CSTF1: variants seen among roughly 807,000 people sequenced by gnomAD.
CSTF1 encodes the protein cleavage stimulation factor subunit 1.
CSTF1 carries 2 observed loss-of-function variants against 40.9 expected under a neutral mutation model. That is an observed-to-expected ratio of 0.05 (90% CI 0.02 to 0.15). The LOEUF (loss-of-function observed/expected upper bound fraction) is 0.15. CSTF1 is among the 10% of genes least tolerant of loss of function. The pLI, the probability that CSTF1 is intolerant of heterozygous loss-of-function variation, is 1.00. For synonymous variants in CSTF1, 218 were observed against 207.2 expected (o/e 1.05, Z -0.45); for missense variants, 279 against 558.9 (o/e 0.50, Z 5.05).
rs182315222 is a variant in CSTF1, at chr20:56,403,993, G to A, written c.*266G>A. The A allele has an allele frequency of 2.6e-4, 96 of 369,662 alleles. No homozygotes were observed. In the Admixed American group the frequency reaches 2.8e-3, roughly 11 times the overall value. The allele number at this position is 369,662 out of a possible 1,614,324, so 22.9% of individuals were successfully genotyped here. ...CGGTTTTGTAAGTACAGGACTTGCC[G>A]TTTCTTTTGATCTCTTGATTGAAGG... On this transcript the variant is annotated 3_prime_UTR_variant, in exon 6 of 6. Transcript: ENST00000217109.
At chr20:56,394,777 C>T (rs1347236061) in intron 1 of CSTF1, among the ~76,000 whole-genome samples, 2 of 152,150 alleles carry the variant, frequency 1.3e-5, no homozygotes, top group Non-Finnish European at 2.9e-5. Context: ...AGTTTTTTGT[C>T]TCTTAAGACT....
Position 56,399,526 on chromosome 20 carries a change from C to A in CSTF1, c.1036+169C>A, listed in dbSNP as rs796351316. ...AGACTTACAGGTTAAGTCATTTAGC[C>A]AAGGCTACACGACTTGGAAATAGAA... On this transcript the variant is annotated intron_variant, in intron 5 of 5. Transcript: ENST00000217109. The surrounding 1 kb of genome is among the most constrained non-coding windows in gnomAD (Gnocchi z 4.6). Among the ~76,000 whole-genome samples the A allele has an allele frequency of 1.4e-4, 21 of 152,256 alleles. No individual in the cohort carries two copies. Among genetic ancestry groups the A allele is most frequent in the African/African-American group, 5.1e-4 (21 of 41,550 alleles).
chr20:56,401,804 G>A (rs974379179), intron 5 of CSTF1, among the ~76,000 whole-genome samples: 1 of 152,088 alleles, frequency 6.6e-6, no homozygotes, highest in East Asian at 1.9e-4. Flanking sequence ...AGCCTTATGG[G>A]GTAGGTTCTG....
intron 5 of CSTF1, among the ~76,000 whole-genome samples, chr20:56,402,924 ACT>A (rs1404552397): frequency 2.0e-5 from 3 of 148,036 alleles, no homozygotes; most frequent in African/African-American, 7.6e-5. Context: ...ACAGAGTGAG[ACT>A]CTGTCTAAAA....
rs111908795 is a variant in CSTF1, at chr20:56,397,403, A to G, written c.366A>G (p.Leu122=). 7.6e-5 allele frequency: 122 copies of G among 1,614,216 alleles called. 2 individuals carry two copies. The African/African-American group carries it at 1.2e-3, about 16-fold the overall frequency. Residue 122 remains leucine, a synonymous_variant, in exon 3 of 6, where the codon TTA becomes TTG. Transcript: ENST00000217109. The surrounding 1 kb of genome is among the most constrained non-coding windows in gnomAD (Gnocchi z 4.4). ...RVATYSRDGQ[L]IATGSADASI... is the part of the protein sequence containing the mutation. Reference sequence around the variant, plus strand: ...CTACCTATAGTAGAGATGGACAGTTAATAGCTACTGGGTCTGCTGATGCTT... The same window carrying G: ...CTACCTATAGTAGAGATGGACAGTTGATAGCTACTGGGTCTGCTGATGCTT...
rs917294335 is a variant in CSTF1 at position 56,406,096 on chromosome 20, T to G, written c.*2369T>G. The G allele has an allele frequency of 2.2e-5, 3 of 136,486 alleles. No homozygotes were observed. Among genetic ancestry groups the G allele is most frequent in the Admixed American group, 7.0e-5 (1 of 14,282 alleles). The allele number at this position is 136,486 out of a possible 1,614,324, so 8.5% of individuals were successfully genotyped here. A position where few individuals can be genotyped will look rare whatever the true frequency, so the allele number is the denominator to read the frequency against. ...TTTTATGTGTTTCAGAAGTAGCTGT[T>G]TTTTCATTTTTTGTGGGTTTGTTTT... On this transcript the variant is annotated 3_prime_UTR_variant, in exon 6 of 6. Transcript: ENST00000217109.
chr20:56,395,658 A>G lies in CSTF1; in HGVS notation c.106A>G (p.Asn36Asp). ...GYISIANGLI[N>D]EIKPQSVCAP... ...CATCAGCATCGCCAATGGCCTCATCAATGAAATCAAGCCTCAGTCTGTGTG... is the reference window on the plus strand; with the variant it reads ...CATCAGCATCGCCAATGGCCTCATCGATGAAATCAAGCCTCAGTCTGTGTG... The change falls in exon 2 of 6, where the codon AAT becomes GAT. Residue 36 changes from asparagine to aspartate, a missense_variant. Asn to Asp is a conservative substitution (Grantham distance 23). This residue lies in a region of CSTF1 where 51 missense variants were observed against 55.0 expected (regional missense o/e 0.93). Transcript: ENST00000217109. The G allele has an allele frequency of 6.2e-7, 1 of 1,614,122 alleles. No individual in the cohort carries two copies. Among genetic ancestry groups the G allele is most frequent in the Non-Finnish European group, 8.5e-7 (1 of 1,180,014 alleles).
chr20:56,403,498 G>A lies in CSTF1; in HGVS notation c.1067G>A (p.Arg356Gln), dbSNP rs756092517. The change falls in exon 6 of 6, where the codon CGG becomes CAG. Residue 356 changes from arginine to glutamine, a missense_variant. This residue lies in a region of CSTF1 where 162 missense variants were observed against 337.1 expected (regional missense o/e 0.48). Coordinates refer to ENST00000217109, the MANE Select transcript of CSTF1 (RefSeq NM_001324.3). The stretch of plus-strand genomic sequence containing the variant: ...GGTTTAAGTGGACGCCAGGTGCACC[G>A]GACACAGGCTGTGTTTAACCACACC... Reference protein sequence around the residue: ...GAGLSGRQVHRTQAVFNHTED... With the variant: ...GAGLSGRQVHQTQAVFNHTED... The A allele has an allele frequency of 1.2e-5, 19 of 1,613,872 alleles. No individual in the cohort carries two copies. Among genetic ancestry groups the A allele is most frequent in the East Asian group, 2.2e-5 (1 of 44,886 alleles).
intron 2 of CSTF1, 61 bp downstream of exon 2, chr20:56,395,782 A>G (rs34087288): frequency 1.9e-6 from 3 of 1,559,624 alleles, no homozygotes; most frequent in Non-Finnish European, 2.6e-6. Context: ...TTCATATGGC[A>G]GAATTTTTCA....
rs1466097413 is a variant in CSTF1 at position 56,404,888 on chromosome 20, A to G, written c.*1161A>G. ...CACCATGTTAGCCAGGATGGTCTCT[A>G]TCTCCTGACCTCGTGATCCGCCTGC... On this transcript the variant is annotated 3_prime_UTR_variant, in exon 6 of 6. Coordinates refer to ENST00000217109, the MANE Select transcript of CSTF1 (RefSeq NM_001324.3). 7.8e-6 allele frequency: 1 copy of G among 127,694 alleles called. No individual in the cohort carries two copies. Among genetic ancestry groups the G allele is most frequent in the Non-Finnish European group, 1.6e-5 (1 of 64,496 alleles). 7.9% of individuals were successfully genotyped at this position (127,694 alleles called of 1,614,324 possible). A position where few individuals can be genotyped will look rare whatever the true frequency, so the allele number is the denominator to read the frequency against.
chr20:56,394,845 T>C (rs865849697), intron 1 of CSTF1, among the ~76,000 whole-genome samples: 19 of 14,966 alleles, frequency 1.3e-3, no homozygotes, highest in Non-Finnish European at 0.011. Context: ...CGATTATTAC[T>C]GTTTTTTTTT....
At chr20:56,393,149 T>C (rs1414073480) in intron 1 of CSTF1, among the ~76,000 whole-genome samples, 3 of 61,770 alleles carry the variant, frequency 4.9e-5, no homozygotes, top group African/African-American at 9.8e-5. Flanking sequence ...CACACACATA[T>C]ACATATATAT....
Position 56,395,584 on chromosome 20 carries a change from G to A in CSTF1, c.32G>A (p.Arg11His), listed in dbSNP as rs1421239466. 19 of 1,613,998 alleles carry A rather than the reference G, an allele frequency of 1.2e-5. No homozygotes were observed. Among genetic ancestry groups the A allele is most frequent in the Admixed American group, 1.7e-5 (1 of 59,994 alleles). ...AGAACCAAAGTGGGCTTGAAGGACC[G>A]CCAGCAGCTCTACAAGCTGATCATT... MYRTKVGLKD[R>H]QQLYKLIISQ... The change falls in exon 2 of 6, where the codon CGC becomes CAC. Residue 11 changes from arginine to histidine, a missense_variant. Arg to His is a conservative substitution (Grantham distance 29). Transcript: ENST00000217109.
intron 1 of CSTF1, among the ~76,000 whole-genome samples, chr20:56,394,451 G>GT (rs1385718601): frequency 6.6e-6 from 1 of 152,196 alleles, no homozygotes; most frequent in Admixed American, 6.5e-5. Flanking sequence ...GCCTGGTGTG[G>GT]TGGCGGGCGC....
chr20:56,393,728 G>C (rs1488355081), intron 1 of CSTF1, among the ~76,000 whole-genome samples: 2 of 152,076 alleles, frequency 1.3e-5, no homozygotes, highest in African/African-American at 4.8e-5. Context: ...AGTTTGTTAT[G>C]CAGACAGAAT....
chr20:56,402,659 G>A (rs949580976), intron 5 of CSTF1, among the ~76,000 whole-genome samples: 7 of 151,948 alleles, frequency 4.6e-5, no homozygotes, highest in African/African-American at 4.8e-5. Flanking sequence ...TAAACAGGCC[G>A]GGCATGGTGG....
At chr20:56,395,167 G>A (rs564050253) in intron 1 of CSTF1, among the ~76,000 whole-genome samples, 1 of 152,314 alleles carries the variant, frequency 6.6e-6, no homozygotes, top group East Asian at 1.9e-4. Flanking sequence ...ATTAACAGAA[G>A]TAATGGAAGA....
intron 2 of CSTF1, chr20:56,396,970 A>T (rs1027386193): frequency 8.5e-6 from 4 of 469,240 alleles, no homozygotes; most frequent in Non-Finnish European, 1.1e-5. Context: ...ACCTGGGGAA[A>T]TGACTTTGTC....
At chr20:56,394,541 C>G (rs1270291584) in intron 1 of CSTF1, among the ~76,000 whole-genome samples, 1 of 152,156 alleles carries the variant, frequency 6.6e-6, no homozygotes, top group South Asian at 2.1e-4. Context: ...GAGCCGAGAT[C>G]GCGCCACTGC....
Sources: allele counts gnomAD v4.1 joint callset (sites outside exome capture counted in the v4.1 genomes callset), GRCh38; gene constraint gnomAD v4.1.1; regional missense constraint gnomAD v4.1.1; non-coding constraint Gnocchi (gnomAD v3.1); transcripts MANE v1.5; gene names NCBI Gene and HGNC (gene_info 2026-07-23, HGNC 2026-07-21).